Variants in DACH1 observed in about 807,000 individuals in gnomAD.
DACH1 encodes the protein dachshund family transcription factor 1.
A neutral mutation model predicts 54.2 loss-of-function variants in DACH1; 12 were observed. That is an observed-to-expected ratio of 0.22 (90% CI 0.14 to 0.36). The LOEUF is 0.36. Ranked by LOEUF, DACH1 falls within the 10% of genes least tolerant of loss-of-function variation. The probability of loss-of-function intolerance (pLI) is 1.00; values close to 1 mark genes in which losing one functional copy is unlikely to be tolerated. For synonymous variants in DACH1, 386 were observed against 366.2 expected, an observed-to-expected ratio of 1.05 and a Z score of -0.62; for missense variants, 805 against 929.8, an observed-to-expected ratio of 0.87 and a Z score of 1.75.
chr13:71,470,238 G>A (rs1231533320), intron 10 of DACH1, among the ~76,000 whole-genome samples: 6 of 151,626 alleles, frequency 4.0e-5, no homozygotes, highest in African/African-American at 9.7e-5. Context: ...AAATGCAAAC[G>A]AAGAATAAAC....
At chr13:71,756,337 A>T (rs73525430) in intron 1 of DACH1, among the ~76,000 whole-genome samples, 3 of 151,752 alleles carry the variant, frequency 2.0e-5, no homozygotes, top group Admixed American at 6.6e-5. Context: ...GAGCCACCGC[A>T]CCCGGCCAAG....
intron 1 of DACH1, among the ~76,000 whole-genome samples, chr13:71,747,995 C>A (rs1371833432): frequency 1.3e-5 from 2 of 152,106 alleles, no homozygotes; most frequent in African/African-American, 4.8e-5. Flanking sequence ...AAGCAAAAAG[C>A]AATATGGAGA....
chr13:71,470,633 TGGGTTTCTTAG>T (rs1332419805), intron 10 of DACH1, among the ~76,000 whole-genome samples: 1 of 152,164 alleles, frequency 6.6e-6, no homozygotes, highest in Non-Finnish European at 1.5e-5. Flanking sequence ...GGTCTAATTC[TGGGTTTCTTAG>T]GTCATCCATT....
chr13:71,466,660 T>C (rs113262781), intron 10 of DACH1, among the ~76,000 whole-genome samples: 1,956 of 152,068 alleles, frequency 0.013, 44 homozygotes, highest in African/African-American at 0.044. Context: ...CTGAGCAACA[T>C]GGCAAAACCC....
chr13:71,828,913 C>G (rs1013066283), intron 1 of DACH1, among the ~76,000 whole-genome samples: 1 of 151,788 alleles, frequency 6.6e-6, no homozygotes, highest in African/African-American at 2.4e-5. Context: ...CACTAAACCC[C>G]CTTTCTACTT....
intron 1 of DACH1, among the ~76,000 whole-genome samples, chr13:71,830,263 T>C (rs1472765040): frequency 6.6e-6 from 1 of 151,858 alleles, no homozygotes; most frequent in Non-Finnish European, 1.5e-5. Flanking sequence ...GGAAACAGAA[T>C]CAAGTTAGCG....
intron 6 of DACH1, among the ~76,000 whole-genome samples, chr13:71,521,787 T>C (rs919544250): frequency 1.3e-5 from 2 of 152,108 alleles, no homozygotes; most frequent in African/African-American, 4.8e-5. Context: ...TGGTTCCCTC[T>C]CAAATGGTTT....
chr13:71,462,989 T>C (rs755668564), intron 10 of DACH1, among the ~76,000 whole-genome samples: 9 of 151,886 alleles, frequency 5.9e-5, no homozygotes, highest in Non-Finnish European at 1.3e-4. Context: ...GTAGATGTCT[T>C]TGCCATTTTG....
intron 1 of DACH1, among the ~76,000 whole-genome samples, chr13:71,855,420 C>A (rs1873939435): frequency 1.3e-5 from 2 of 151,962 alleles, no homozygotes; most frequent in African/African-American, 4.8e-5. Flanking sequence ...ATTCTGTAAT[C>A]TAATGGCAGT....
At chr13:71,777,602 C>T (rs1886117803) in intron 1 of DACH1, among the ~76,000 whole-genome samples, 1 of 151,964 alleles carries the variant, frequency 6.6e-6, no homozygotes, top group African/African-American at 2.4e-5. Flanking sequence ...TATATTATGT[C>T]CATCATTTTA....
intron 1 of DACH1, among the ~76,000 whole-genome samples, chr13:71,786,328 T>A (rs1279625309): frequency 2.0e-5 from 3 of 152,182 alleles, no homozygotes; most frequent in Non-Finnish European, 4.4e-5. Flanking sequence ...AAATTGTAAG[T>A]AGATGCTCTT....
intron 1 of DACH1, among the ~76,000 whole-genome samples, chr13:71,724,887 A>G (rs930439416): frequency 3.9e-5 from 6 of 152,266 alleles, no homozygotes; most frequent in South Asian, 4.1e-4. Context: ...ATGTTTCTTC[A>G]TGGATGAACC....
chr13:71,692,780 C>G (rs1881589038), intron 1 of DACH1, among the ~76,000 whole-genome samples: 1 of 152,020 alleles, frequency 6.6e-6, no homozygotes, highest in African/African-American at 2.4e-5. Context: ...CTCAGCCTCC[C>G]AAAGTGCTGG....
chr13:71,747,248 C>T (rs1884637430), intron 1 of DACH1, among the ~76,000 whole-genome samples: 1 of 150,948 alleles, frequency 6.6e-6, no homozygotes, highest in African/African-American at 2.4e-5. Flanking sequence ...ATGTAGTCCA[C>T]ACACTGTACA....
intron 1 of DACH1, among the ~76,000 whole-genome samples, chr13:71,863,146 C>T (rs754187943): frequency 2.0e-5 from 3 of 151,816 alleles, no homozygotes; most frequent in Non-Finnish European, 4.4e-5. Context: ...ATGCAAGATG[C>T]AAAACATTTC....
intron 1 of DACH1, among the ~76,000 whole-genome samples, chr13:71,774,778 A>T (rs1241727178): frequency 1.3e-5 from 2 of 151,992 alleles, no homozygotes; most frequent in African/African-American, 4.8e-5. Context: ...AACAAATCCA[A>T]CTCTTCTTCA....
chr13:71,846,748 G>A (rs1041773984), intron 1 of DACH1, among the ~76,000 whole-genome samples: 2 of 152,184 alleles, frequency 1.3e-5, no homozygotes, highest in African/African-American at 4.8e-5. Flanking sequence ...TACTTGTCAG[G>A]TACTAGCTGT....
chr13:71,452,465 A>G (rs2325393), intron 10 of DACH1, among the ~76,000 whole-genome samples: 136,647 of 152,170 alleles, frequency 0.9, 63,006 homozygotes, highest in Non-Finnish European at 1. Flanking sequence ...AAAAAATTAC[A>G]TCAGCTATAT....
At chr13:71,786,531 G>C (rs574710201) in intron 1 of DACH1, among the ~76,000 whole-genome samples, 6 of 152,052 alleles carry the variant, frequency 3.9e-5, no homozygotes, top group Non-Finnish European at 8.8e-5. Context: ...AAGTAAAAAG[G>C]TTAATAAAAT....
Sources: gnomAD v4.1 joint callset for allele counts (sites outside exome capture counted in the v4.1 genomes callset) on GRCh38, gnomAD v4.1.1 for gene constraint, MANE v1.5 for transcripts, NCBI Gene and HGNC (gene_info 2026-07-23, HGNC 2026-07-21) for gene names.